DOCK2: variants seen among roughly 807,000 people sequenced by gnomAD.
DOCK2 encodes dedicator of cytokinesis protein 2.
Under a neutral mutation model 248.9 loss-of-function variants are expected in DOCK2, and 87 were observed. The observed-to-expected ratio is 0.35, with a 90% confidence interval of 0.29 to 0.42. The LOEUF is 0.42. Among genes scored for constraint, DOCK2 ranks in the 10% least tolerant of loss-of-function variants. The probability of loss-of-function intolerance (pLI) is 1.00; values close to 1 mark genes in which losing one functional copy is unlikely to be tolerated. For synonymous variants in DOCK2, 805 were observed against 821.6 expected, an observed-to-expected ratio of 0.98 and a Z score of 0.35; for missense variants, 1,747 against 2,300.2, an observed-to-expected ratio of 0.76 and a Z score of 4.92.
chr5:169,841,303 T>G (rs1769957137), intron 27 of DOCK2: 1 of 994,976 alleles, frequency 1.0e-6, no homozygotes. Flanking sequence ...TTCAAGGTCA[T>G]TACTACATAT....
intron 33 of DOCK2, among the ~76,000 whole-genome samples, chr5:170,023,202 G>T (rs1755791104): frequency 6.6e-6 from 1 of 152,104 alleles, no homozygotes; most frequent in South Asian, 2.1e-4. Flanking sequence ...ATCCCAGAGA[G>T]AATTCTTCTC....
intron 25 of DOCK2, among the ~76,000 whole-genome samples, chr5:169,772,481 G>T (rs553942682): frequency 2.2e-4 from 33 of 152,130 alleles, no homozygotes; most frequent in Non-Finnish European, 4.4e-4. Flanking sequence ...AGCAACTGAC[G>T]TTTATTGACT....
chr5:169,808,424 G>C (rs1581220543), intron 26 of DOCK2, among the ~76,000 whole-genome samples: 1 of 151,560 alleles, frequency 6.6e-6, no homozygotes, highest in Admixed American at 6.6e-5. Flanking sequence ...GGGTGTCATG[G>C]TAGGACTCAG....
At chr5:169,791,160 G>A (rs1225014318) in intron 25 of DOCK2, among the ~76,000 whole-genome samples, 4 of 152,020 alleles carry the variant, frequency 2.6e-5, no homozygotes, top group Non-Finnish European at 5.9e-5. Flanking sequence ...CACTTACTAA[G>A]ATCCTACTGG....
At chr5:169,694,509 G>A (rs1008763122) in intron 9 of DOCK2, among the ~76,000 whole-genome samples, 2 of 152,212 alleles carry the variant, frequency 1.3e-5, no homozygotes, top group African/African-American at 4.8e-5. Context: ...AGAGTCTCAT[G>A]GGCTATGGTC....
rs1042885259 is a variant in DOCK2, at chr5:169,743,334, G to T, written c.2268-4062G>T. On this transcript the variant is annotated intron_variant, in intron 22 of 51. Transcript: ENST00000520908. ...TGCCTGTCATCCCAGCTACTCAGGA[G>T]GCTGAGGCTGGAGGATCACTTGAGT... Among the ~76,000 whole-genome samples, 15 of 152,160 alleles carry T rather than the reference G, an allele frequency of 9.9e-5. 1 individual carries two copies. The South Asian group carries it at 2.9e-3, about 29-fold the overall frequency.
At chr5:169,960,004 G>A (rs1193202239) in intron 27 of DOCK2, among the ~76,000 whole-genome samples, 2 of 152,214 alleles carry the variant, frequency 1.3e-5, no homozygotes, top group Non-Finnish European at 2.9e-5. Context: ...TGTAAAGCTA[G>A]ATCATCAGAG....
chr5:169,839,917 A>G (rs1561752371), intron 26 of DOCK2, among the ~76,000 whole-genome samples: 2 of 152,190 alleles, frequency 1.3e-5, no homozygotes, highest in Admixed American at 6.5e-5. Context: ...TACCTGTATA[A>G]CCAATTCCCT....
In DOCK2 at chr5:169,835,260, GT is replaced by G. The variant is rs547978458; in HGVS notation, c.2704-5478del. The stretch of plus-strand genomic sequence containing the variant: ...GTGGGAGGAAAGAGTGAAATGCCTG[GT>G]TTTTTTTTTTTTTTTTTTGAGACTG... On this transcript the variant is annotated intron_variant, in intron 26 of 51. Coordinates refer to ENST00000520908, the MANE Select transcript of DOCK2 (RefSeq NM_004946.3). Among the ~76,000 whole-genome samples, 639 of 134,774 alleles carry G rather than the reference GT, an allele frequency of 4.7e-3. 13 individuals are homozygous for G. The East Asian group carries it at 0.063, about 13-fold the overall frequency. 88.4% of individuals were successfully genotyped at this position (134,774 alleles called of 152,430 possible). A position where few individuals can be genotyped will look rare whatever the true frequency, so the allele number is the denominator to read the frequency against.
At chr5:169,990,408 A>G (rs1778174601) in intron 29 of DOCK2, among the ~76,000 whole-genome samples, 1 of 152,042 alleles carries the variant, frequency 6.6e-6, no homozygotes, top group Non-Finnish European at 1.5e-5. Flanking sequence ...TTACCTCTTC[A>G]TGGTTTCATT....
chr5:169,803,325 G>A lies in DOCK2; in HGVS notation c.2703+119G>A, dbSNP rs565634121. The A allele has an allele frequency of 3.1e-5, 41 of 1,341,050 alleles. No homozygotes were observed. The East Asian group carries it at 9.8e-4, about 32-fold the overall frequency. The allele number at this position is 1,341,050 out of a possible 1,614,324, so 83.1% of individuals were successfully genotyped here. A position where few individuals can be genotyped will look rare whatever the true frequency, so the allele number is the denominator to read the frequency against. On this transcript the variant is annotated intron_variant, in intron 26 of 51. Transcript: ENST00000520908. Reference sequence around the variant, plus strand: ...GTCTAAAGATAAAAGTCAACGGCTTGCTCAGCAGGCCTACTTTTCCTGTGA... The same window carrying A: ...GTCTAAAGATAAAAGTCAACGGCTTACTCAGCAGGCCTACTTTTCCTGTGA...
intron 1 of DOCK2, among the ~76,000 whole-genome samples, chr5:169,646,056 G>A (rs192358): frequency 0.44 from 67,274 of 152,046 alleles, 15,403 homozygotes; most frequent in East Asian, 0.53. Context: ...GCCTCTTCTA[G>A]GGTTTTTATG....
chr5:170,053,443 A>G (rs951802136), intron 41 of DOCK2, among the ~76,000 whole-genome samples: 12 of 152,232 alleles, frequency 7.9e-5, no homozygotes, highest in Non-Finnish European at 1.6e-4. Flanking sequence ...TATGGACACT[A>G]ACATTTGAAC....
At chr5:169,753,754 C>T (rs1764038493) in intron 23 of DOCK2, among the ~76,000 whole-genome samples, 1 of 152,170 alleles carries the variant, frequency 6.6e-6, no homozygotes, top group Non-Finnish European at 1.5e-5. Context: ...TGGTTCCTTT[C>T]CCTTCACTTT....
intron 3 of DOCK2, among the ~76,000 whole-genome samples, chr5:169,669,665 A>T (rs1234429972): frequency 1.3e-5 from 2 of 151,790 alleles, no homozygotes; most frequent in Non-Finnish European, 2.9e-5. Flanking sequence ...AGTTGTTTGC[A>T]GCATTCAGTC....
At chr5:169,786,966 C>G (rs1378698864) in intron 25 of DOCK2, among the ~76,000 whole-genome samples, 1 of 152,124 alleles carries the variant, frequency 6.6e-6, no homozygotes, top group African/African-American at 2.4e-5. Flanking sequence ...AACTAAATAA[C>G]AGTAGCTTAT....
intron 41 of DOCK2, 140 bp from the exon 42 acceptor site, chr5:170,055,165 C>T: frequency 1.4e-6 from 1 of 720,420 alleles, no homozygotes; most frequent in Non-Finnish European, 2.4e-6. Context: ...GCCTAGTGGG[C>T]AGCCAGCAAC....
At position 169,954,771 on chromosome 5, in the gene DOCK2, G is replaced by C. The variant is rs143277629; in HGVS notation, c.2800-28297G>C. On this transcript the variant is annotated intron_variant, in intron 27 of 51. Transcript: ENST00000520908. ...TTCAAGGAGTGGCTCTCAAAACCCAGGGGAGTGACCTCATGAGAGGTCAAC... is the reference window on the plus strand; with the variant it reads ...TTCAAGGAGTGGCTCTCAAAACCCACGGGAGTGACCTCATGAGAGGTCAAC... Among the ~76,000 whole-genome samples the C allele has an allele frequency of 7.7e-3, 1,179 of 152,304 alleles. 7 individuals are homozygous for C. The highest frequency in any genetic ancestry group is 0.011 in the Admixed American group (170 of 15,290).
At chr5:169,973,341 T>A (rs911037651) in intron 27 of DOCK2, among the ~76,000 whole-genome samples, 1 of 152,120 alleles carries the variant, frequency 6.6e-6, no homozygotes, top group African/African-American at 2.4e-5. Context: ...ACTCTACACA[T>A]CTCCGGCTGA....
Sources: allele counts gnomAD v4.1 joint callset (sites outside exome capture counted in the v4.1 genomes callset), GRCh38; gene constraint gnomAD v4.1.1; transcripts MANE v1.5; gene names NCBI Gene and HGNC (gene_info 2026-07-23, HGNC 2026-07-21).